The following CLEC16A variants were observed in gnomAD, a reference collection of about 807,000 sequenced individuals.
CLEC16A encodes protein CLEC16A.
CLEC16A carries 51 observed loss-of-function variants against 109.5 expected under a neutral mutation model. The observed-to-expected ratio is 0.47, with a 90% CI of 0.37 to 0.59. The LOEUF (loss-of-function observed/expected upper bound fraction) is 0.59, where lower values mean the gene tolerates loss of function less well. CLEC16A is among the 20% of genes least tolerant of loss of function. The pLI, the probability that CLEC16A is intolerant of heterozygous loss-of-function variation, is 0.00. For synonymous variants in CLEC16A, 673 were observed against 564.2 expected, an observed-to-expected ratio of 1.19 and a Z score of -2.73; for missense variants, 1,339 against 1,394.0, an observed-to-expected ratio of 0.96 and a Z score of 0.63.
At chr16:11,015,748 C>T (rs1255116262) in intron 11 of CLEC16A, among the ~76,000 whole-genome samples, 2 of 152,268 alleles carry the variant, frequency 1.3e-5, no homozygotes, top group African/African-American at 4.8e-5. Flanking sequence ...ACAACTACGT[C>T]ACAAAGCTTG....
intron 22 of CLEC16A, among the ~76,000 whole-genome samples, chr16:11,154,034 A>G (rs2054404186): frequency 6.6e-6 from 1 of 152,208 alleles, no homozygotes; most frequent in Non-Finnish European, 1.5e-5. Flanking sequence ...TTGGAAATGA[A>G]AGGATGAATG....
rs544211322 is a variant in CLEC16A, at chr16:11,174,840, C to T, written c.2807-3495C>T. Among the ~76,000 whole-genome samples, 1 of 152,360 alleles carries T rather than the reference C, an allele frequency of 6.6e-6. No individual in the cohort carries two copies. The highest frequency in any genetic ancestry group is 2.4e-5 in the African/African-American group (1 of 41,588). ...GACACATGGATGGATGTGGCCCCACCATCTCCCTTTCTGAGTGGCACCCAC... is the reference window on the plus strand; with the variant it reads ...GACACATGGATGGATGTGGCCCCACTATCTCCCTTTCTGAGTGGCACCCAC... On this transcript the variant is annotated intron_variant, in intron 23 of 23. Transcript: ENST00000409790. This position sits in a 1 kb window ranked among gnomAD's most constrained non-coding sequence, Gnocchi z 4.7.
intron 13 of CLEC16A, among the ~76,000 whole-genome samples, chr16:11,033,070 G>A (rs2046834961): frequency 6.6e-6 from 1 of 152,062 alleles, no homozygotes; most frequent in Non-Finnish European, 1.5e-5. Context: ...AATGTGGATT[G>A]GATTAGGCTG....
chr16:11,026,097 T>G (rs2046389748), intron 13 of CLEC16A, among the ~76,000 whole-genome samples: 1 of 152,236 alleles, frequency 6.6e-6, no homozygotes, highest in African/African-American at 2.4e-5. Context: ...TTAAGGATTT[T>G]TGCATCTATG....
chr16:11,025,568 T>C (rs540618510), intron 13 of CLEC16A, among the ~76,000 whole-genome samples: 4 of 152,240 alleles, frequency 2.6e-5, no homozygotes, highest in Admixed American at 6.5e-5. Context: ...CACATCAGAA[T>C]CTCTTCAAAG....
In CLEC16A at chr16:11,020,278, G is replaced by C; in HGVS notation, c.1389G>C (p.Glu463Asp). Reference sequence around the variant, plus strand: ...TGCAGGAGCAGAACACCACGGACGAGGAGAAAAGCGCCGCCGCCACCTGCT... The same window carrying C: ...TGCAGGAGCAGAACACCACGGACGACGAGAAAAGCGCCGCCGCCACCTGCT... ...TSVQEQNTTD[E>D]EKSAAATCSE... is the part of the protein sequence containing the mutation. Residue 463 changes from glutamate (E) to aspartate (D), a missense_variant, in exon 12 of 24, where the codon GAG becomes GAC. Glu to Asp is a conservative substitution (Grantham distance 45). Coordinates refer to ENST00000409790, the MANE Select transcript of CLEC16A (RefSeq NM_015226.3). 6.2e-7 allele frequency: 1 copy of C among 1,613,800 alleles called. No individual in the cohort carries two copies. The highest frequency in any genetic ancestry group is 1.7e-5 in the Admixed American group (1 of 59,994).
intron 19 of CLEC16A, among the ~76,000 whole-genome samples, chr16:11,077,964 CGTGTG>C (rs1215623630): frequency 3.7e-5 from 5 of 135,540 alleles, no homozygotes; most frequent in Admixed American, 7.4e-5. Context: ...CAAAAAAAAA[CGTGTG>C]TGTGTGTGTG....
At chr16:11,083,679 A>AT (rs1249033092) in intron 19 of CLEC16A, among the ~76,000 whole-genome samples, 7 of 152,210 alleles carry the variant, frequency 4.6e-5, no homozygotes, top group African/African-American at 1.7e-4. Context: ...TCCAACACTG[A>AT]TTTGGGCTAA....
At chr16:11,132,034 C>G (rs2053242200) in intron 22 of CLEC16A, among the ~76,000 whole-genome samples, 1 of 152,214 alleles carries the variant, frequency 6.6e-6, no homozygotes, top group African/African-American at 2.4e-5. Context: ...GTGCCCAGGT[C>G]ACCCTAGTTC....
chr16:11,157,737 A>G (rs1409792600), intron 22 of CLEC16A, among the ~76,000 whole-genome samples: 1 of 152,112 alleles, frequency 6.6e-6, no homozygotes, highest in Non-Finnish European at 1.5e-5. Context: ...CTGTTGCTAG[A>G]CTTGAATCTG....
chr16:11,024,799 A>G (rs200152692), intron 12 of CLEC16A, 22 bp from the exon 13 acceptor site: 3 of 1,550,240 alleles, frequency 1.9e-6, no homozygotes, highest in African/African-American at 2.7e-5. Flanking sequence ...TGAGGCTCAT[A>G]CATGCCCCTC....
At chr16:11,106,675 T>A (rs1041401131) in intron 19 of CLEC16A, among the ~76,000 whole-genome samples, 1 of 151,972 alleles carries the variant, frequency 6.6e-6, no homozygotes, top group Non-Finnish European at 1.5e-5. Flanking sequence ...TTTAAGATAC[T>A]TTTCCTTAGA....
chr16:11,066,554 G>A (rs1231765892), intron 19 of CLEC16A: 1 of 152,350 alleles, frequency 6.6e-6, no homozygotes, highest in East Asian at 1.9e-4. Context: ...CAGTCCGGAA[G>A]CCTCCTCGCT....
At position 11,126,112 on chromosome 16, in the gene CLEC16A, G is replaced by A. The variant is rs1374590046; in HGVS notation, c.2607G>A (p.Gln869=). ...GRRGSSDPTV[Q]RSVFASVDKV... ...GGGGCAGCAGCGACCCCACAGTGCA[G>A]CGCTCCGTGTTTGCATCGGTGGACA... Residue 869 remains glutamine, a synonymous_variant, in exon 22 of 24, where the codon CAG becomes CAA. Transcript: ENST00000409790. 1.9e-6 allele frequency: 3 copies of A among 1,613,876 alleles called. No homozygotes were observed. In the Admixed American group the frequency reaches 5.0e-5, roughly 27 times the overall value.
chr16:10,957,745 G>T, intron 1 of CLEC16A, 37 bp from the exon 2 acceptor site: 1 of 1,610,832 alleles, frequency 6.2e-7, no homozygotes, highest in Non-Finnish European at 8.5e-7. Context: ...CATTTCAGTT[G>T]GTAACCTTTA....
intron 19 of CLEC16A, among the ~76,000 whole-genome samples, chr16:11,097,590 G>T (rs1237871954): frequency 6.6e-6 from 1 of 152,102 alleles, no homozygotes; most frequent in African/African-American, 2.4e-5. Context: ...ATTAACTCCC[G>T]GGGATGTTAT....
chr16:11,112,397 C>T (rs1054871658), intron 19 of CLEC16A, among the ~76,000 whole-genome samples: 1 of 149,746 alleles, frequency 6.7e-6, no homozygotes, highest in Non-Finnish European at 1.5e-5. Context: ...TGGTGGCTCA[C>T]ACCTATAATC....
intron 20 of CLEC16A, among the ~76,000 whole-genome samples, 176 bp from the exon 21 acceptor site, chr16:11,123,566 C>G (rs1277180762): frequency 6.6e-6 from 1 of 152,196 alleles, no homozygotes; most frequent in Non-Finnish European, 1.5e-5. Context: ...TCCCACTGGG[C>G]CTGGTCTGCC....
At chr16:11,092,998 G>A (rs2050399961) in intron 19 of CLEC16A, among the ~76,000 whole-genome samples, 1 of 152,216 alleles carries the variant, frequency 6.6e-6, no homozygotes, top group African/African-American at 2.4e-5. Context: ...CCCCCATGGA[G>A]CAGGGAGGAG....
Sources: gnomAD v4.1 joint callset for allele counts (sites outside exome capture counted in the v4.1 genomes callset) on GRCh38, gnomAD v4.1.1 for gene constraint, Gnocchi (gnomAD v3.1) non-coding constraint, MANE v1.5 for transcripts, NCBI Gene and HGNC (gene_info 2026-07-23, HGNC 2026-07-21) for gene names.